ST8SIA1: variants seen among roughly 807,000 people sequenced by gnomAD.
ST8SIA1 encodes alpha-N-acetylneuraminide alpha-2,8-sialyltransferase.
A neutral mutation model predicts 35.9 loss-of-function variants in ST8SIA1; 16 were observed. That is an observed-to-expected ratio of 0.45 (90% CI 0.30 to 0.68). The LOEUF (loss-of-function observed/expected upper bound fraction) is 0.68, where lower values mean the gene tolerates loss of function less well. ST8SIA1 is among the 30% of genes least tolerant of loss of function. ST8SIA1 has a pLI of 0.09. For missense variants in ST8SIA1, 383 were observed against 453.6 expected, an observed-to-expected ratio of 0.84 and a Z score of 1.41; for synonymous variants, 170 against 169.6, an observed-to-expected ratio of 1.00 and a Z score of -0.02.
intron 1 of ST8SIA1, among the ~76,000 whole-genome samples, chr12:22,290,830 T>A (rs145715883): frequency 1.1e-4 from 17 of 152,322 alleles, no homozygotes; most frequent in African/African-American, 3.8e-4. Context: ...TTTTCATGCT[T>A]TGCGCTGATG....
chr12:22,333,840 G>C (rs750738140), intron 1 of ST8SIA1, 157 bp downstream of exon 1: 1 of 806,528 alleles, frequency 1.2e-6, no homozygotes, highest in Non-Finnish European at 2.2e-6. Flanking sequence ...AAAGTCTCCA[G>C]GTTGGGAATG....
At chr12:22,257,201 A>G (rs1865737464) in intron 2 of ST8SIA1, among the ~76,000 whole-genome samples, 1 of 151,732 alleles carries the variant, frequency 6.6e-6, no homozygotes, top group South Asian at 2.1e-4. Context: ...TCAGAGAGGA[A>G]CTGCAATTAT....
At chr12:22,277,620 G>A (rs1865985489) in intron 2 of ST8SIA1, among the ~76,000 whole-genome samples, 1 of 152,128 alleles carries the variant, frequency 6.6e-6, no homozygotes, top group Non-Finnish European at 1.5e-5. Flanking sequence ...GCCTGCCTCA[G>A]TCTCCTAAAG....
intron 4 of ST8SIA1, among the ~76,000 whole-genome samples, chr12:22,241,151 G>A (rs1287565494): frequency 6.6e-6 from 1 of 151,766 alleles, no homozygotes; most frequent in Non-Finnish European, 1.5e-5. Flanking sequence ...ATGCCACCAT[G>A]CCCAGCCAAG....
chr12:22,249,135 CAT>C, intron 3 of ST8SIA1, 37 bp from the exon 4 acceptor site: 1 of 1,378,460 alleles, frequency 7.3e-7, no homozygotes, highest in African/African-American at 1.4e-5. Context: ...GAACAATTTG[CAT>C]AGTTTTAAAT....
chr12:22,287,264 G>A lies in ST8SIA1; in HGVS notation c.266C>T (p.Ala89Val). ...RKQMEDCCDP[A>V]HLFAMTKMNS... Reference sequence around the variant, plus strand: ...CATTTTAGTCATAGCAAAGAGATGGGCAGGGTCGCAGCAGTCTTCCATTTG... The same window carrying A: ...CATTTTAGTCATAGCAAAGAGATGGACAGGGTCGCAGCAGTCTTCCATTTG... The change falls in exon 2 of 5, where the codon GCC (alanine) becomes GTC (valine). Residue 89 changes from alanine to valine, a missense_variant. Ala to Val is a moderately conservative substitution (Grantham distance 64). Coordinates refer to ENST00000396037, the MANE Select transcript of ST8SIA1 (RefSeq NM_003034.4). The A allele has an allele frequency of 6.2e-7, 1 of 1,613,838 alleles. No individual in the cohort carries two copies. The highest frequency in any genetic ancestry group is 8.5e-7 in the Non-Finnish European group (1 of 1,179,906).
chr12:22,225,462 T>C (rs1338702022), intron 4 of ST8SIA1, among the ~76,000 whole-genome samples: 2 of 152,166 alleles, frequency 1.3e-5, no homozygotes, highest in Non-Finnish European at 2.9e-5. Flanking sequence ...GAGGAATTCC[T>C]GAGCAGACAA....
intron 4 of ST8SIA1, among the ~76,000 whole-genome samples, chr12:22,226,876 T>A (rs1192801253): frequency 1.3e-5 from 2 of 152,160 alleles, no homozygotes; most frequent in Admixed American, 1.3e-4. Context: ...GCTTTGAAAT[T>A]TTTTCTATTT....
chr12:22,221,158 G>A (rs1355107261), intron 4 of ST8SIA1, among the ~76,000 whole-genome samples: 1 of 151,980 alleles, frequency 6.6e-6, no homozygotes, highest in Non-Finnish European at 1.5e-5. Context: ...AGTTATTTCA[G>A]ACACCTACCT....
chr12:22,225,606 C>T (rs1865348021), intron 4 of ST8SIA1, among the ~76,000 whole-genome samples: 1 of 152,118 alleles, frequency 6.6e-6, no homozygotes. Flanking sequence ...TCAATAGCCA[C>T]CAACGTACAA....
At chr12:22,216,217 A>G (rs758624292) in intron 4 of ST8SIA1, among the ~76,000 whole-genome samples, 3 of 152,140 alleles carry the variant, frequency 2.0e-5, no homozygotes, top group Admixed American at 1.3e-4. Flanking sequence ...ATCCTCCCCA[A>G]GTAATTGTCC....
At chr12:22,206,452 C>G (rs950814765) in intron 4 of ST8SIA1, among the ~76,000 whole-genome samples, 3 of 152,148 alleles carry the variant, frequency 2.0e-5, no homozygotes, top group Non-Finnish European at 4.4e-5. Context: ...AAATCCTGCA[C>G]CGATCAATTA....
intron 3 of ST8SIA1, among the ~76,000 whole-genome samples, chr12:22,249,385 AT>A (rs528200307): frequency 6.6e-6 from 1 of 151,200 alleles, no homozygotes; most frequent in Non-Finnish European, 1.5e-5. Flanking sequence ...CACCCGGCTA[AT>A]TTTTTTTGTA....
chr12:22,294,998 T>C (rs1194222218), intron 1 of ST8SIA1, among the ~76,000 whole-genome samples: 1 of 152,162 alleles, frequency 6.6e-6, no homozygotes, highest in African/African-American at 2.4e-5. Context: ...ATTCAGTCAA[T>C]CAACAAACAT....
intron 2 of ST8SIA1, among the ~76,000 whole-genome samples, chr12:22,262,364 G>A (rs954528016): frequency 1.3e-4 from 20 of 152,048 alleles, no homozygotes; most frequent in Admixed American, 1.3e-4. Flanking sequence ...TTCAAAGCCC[G>A]AAGCCCACCT....
intron 1 of ST8SIA1, among the ~76,000 whole-genome samples, chr12:22,307,442 C>T (rs116524806): frequency 2.2e-3 from 329 of 152,258 alleles, no homozygotes; most frequent in African/African-American, 7.5e-3. Flanking sequence ...CTTCAGGATA[C>T]GACCTTTCCT....
intron 1 of ST8SIA1, chr12:22,324,947 C>G (rs1866655962): frequency 6.6e-6 from 1 of 151,692 alleles, no homozygotes; most frequent in African/African-American, 2.4e-5. Flanking sequence ...TGAGAAAATT[C>G]TAAAGGTATA....
chr12:22,214,677 A>G (rs1327215664), intron 4 of ST8SIA1, among the ~76,000 whole-genome samples: 1 of 151,608 alleles, frequency 6.6e-6, no homozygotes, highest in Non-Finnish European at 1.5e-5. Context: ...CAAAAAAAAC[A>G]TATAATAGAT....
At chr12:22,297,229 T>C (rs1866257108) in intron 1 of ST8SIA1, among the ~76,000 whole-genome samples, 1 of 151,814 alleles carries the variant, frequency 6.6e-6, no homozygotes, top group Non-Finnish European at 1.5e-5. Flanking sequence ...GCATTATAAA[T>C]TTCTGAATTA....
Sources: allele counts gnomAD v4.1 joint callset (sites outside exome capture counted in the v4.1 genomes callset), GRCh38; gene constraint gnomAD v4.1.1; transcripts MANE v1.5; gene names NCBI Gene and HGNC (gene_info 2026-07-23, HGNC 2026-07-21).